CHD2: variants seen among roughly 807,000 people sequenced by gnomAD.
CHD2 encodes chromodomain helicase DNA binding protein 2.
In CHD2, 28 loss-of-function variants were observed where a neutral mutation model predicts 243.9. That is an observed-to-expected ratio of 0.11 (90% CI 0.09 to 0.16). The LOEUF (loss-of-function observed/expected upper bound fraction) is 0.16, where lower values mean the gene tolerates loss of function less well. Ranked by LOEUF, CHD2 falls within the 10% of genes least tolerant of loss-of-function variation. The pLI is 1.00. For synonymous variants in CHD2, 775 were observed against 779.0 expected (o/e 0.99, Z 0.09); for missense variants, 1,386 against 2,209.8 (o/e 0.63, Z 7.47).
chr15:92,938,350 C>G (rs1009488044), intron 6 of CHD2, among the ~76,000 whole-genome samples: 8 of 152,118 alleles, frequency 5.3e-5, no homozygotes, highest in Non-Finnish European at 1.5e-5. Context: ...AGTAAATGTA[C>G]CTGATTATTT....
intron 33 of CHD2, among the ~76,000 whole-genome samples, chr15:93,002,958 A>G (rs1051096407): frequency 6.6e-6 from 1 of 152,240 alleles, no homozygotes; most frequent in Non-Finnish European, 1.5e-5. Flanking sequence ...TATATTAAAT[A>G]TAAAATAAAC....
intron 5 of CHD2, among the ~76,000 whole-genome samples, chr15:92,935,536 A>G (rs528405588): frequency 9.9e-5 from 15 of 152,228 alleles, no homozygotes; most frequent in African/African-American, 2.9e-4. Context: ...ATTAGAATTT[A>G]TTGGTGAATC....
intron 17 of CHD2, among the ~76,000 whole-genome samples, chr15:92,971,465 A>G (rs1286920995): frequency 6.6e-6 from 1 of 152,170 alleles, no homozygotes; most frequent in East Asian, 1.9e-4. Flanking sequence ...GTGTGTGTAT[A>G]TATGTAAAGC....
At chr15:92,932,202 A>G (rs1162092954) in intron 5 of CHD2, among the ~76,000 whole-genome samples, 3 of 151,696 alleles carry the variant, frequency 2.0e-5, no homozygotes, top group African/African-American at 7.3e-5. Flanking sequence ...AGTTTTGTCA[A>G]TTAACCCAAT....
intron 8 of CHD2, 109 bp downstream of exon 8, chr15:92,942,064 G>T: frequency 9.5e-7 from 1 of 1,048,702 alleles, no homozygotes; most frequent in Non-Finnish European, 1.4e-6. Context: ...TGTATTTGTT[G>T]TGATATGTAG....
intron 4 of CHD2, 64 bp from the exon 5 acceptor site, chr15:92,928,966 A>T: frequency 6.9e-7 from 1 of 1,447,454 alleles, no homozygotes; most frequent in Non-Finnish European, 9.6e-7. Flanking sequence ...TCCAGGAGAT[A>T]GTGTTGTCCC....
chr15:93,001,695 T>G (rs1199973252), intron 32 of CHD2, among the ~76,000 whole-genome samples: 3 of 151,990 alleles, frequency 2.0e-5, no homozygotes, highest in African/African-American at 7.3e-5. Flanking sequence ...TTTTGTATTT[T>G]TAGAAGAGAC....
At chr15:92,926,756 C>T (rs1056897086) in intron 3 of CHD2, among the ~76,000 whole-genome samples, 1 of 152,134 alleles carries the variant, frequency 6.6e-6, no homozygotes, top group South Asian at 2.1e-4. Flanking sequence ...GCCTCATCTG[C>T]GTTTATCTGG....
intron 35 of CHD2, 23 bp from the exon 36 acceptor site, chr15:93,012,322 G>C: frequency 6.5e-7 from 1 of 1,534,160 alleles, no homozygotes; most frequent in Middle Eastern, 1.9e-4. Flanking sequence ...TAATTCACCA[G>C]AACTGTTCAT....
At chr15:92,912,433 T>A (rs2052754825) in intron 2 of CHD2, among the ~76,000 whole-genome samples, 1 of 152,246 alleles carries the variant, frequency 6.6e-6, no homozygotes, top group Non-Finnish European at 1.5e-5. Flanking sequence ...CTCGGCTTAC[T>A]GTAACCTCTG....
chr15:92,945,767 C>T (rs1252629868), intron 10 of CHD2, 54 bp from the exon 11 acceptor site: 1 of 1,184,630 alleles, frequency 8.4e-7, no homozygotes, highest in African/African-American at 1.6e-5. Flanking sequence ...AACCCAAAAT[C>T]TTTCATTCTT....
intron 17 of CHD2, among the ~76,000 whole-genome samples, chr15:92,968,431 A>G (rs1024802884): frequency 1.3e-5 from 2 of 152,204 alleles, no homozygotes; most frequent in African/African-American, 4.8e-5. Context: ...GTAAGTGTAA[A>G]GGCTTGATTA....
chr15:92,939,056 T>TA (rs1171845139), intron 6 of CHD2, among the ~76,000 whole-genome samples: 1 of 152,064 alleles, frequency 6.6e-6, no homozygotes, highest in Non-Finnish European at 1.5e-5. Flanking sequence ...TCTTTTTTTT[T>TA]TTCTATGAGT....
Position 92,927,228 on chromosome 15 carries a change from T to G in CHD2, c.295-16T>G. ...GTCAAGAAAAAAGATTAATGCGTGG[T>G]CTCTTAATTTTACAGATGTGGGAAG... On this transcript the variant is annotated splice_polypyrimidine_tract_variant and intron_variant, in intron 3 of 38. Transcript: ENST00000394196. The G allele has an allele frequency of 6.3e-7, 1 of 1,575,364 alleles. No individual in the cohort carries two copies. The highest frequency in any genetic ancestry group is 8.7e-7 in the Non-Finnish European group (1 of 1,146,186).
At chr15:92,966,677 G>A (rs1380897720) in intron 16 of CHD2, among the ~76,000 whole-genome samples, 1 of 152,016 alleles carries the variant, frequency 6.6e-6, no homozygotes, top group Non-Finnish European at 1.5e-5. Context: ...TTGGGAGGCC[G>A]AGGCAGGCGG....
chr15:92,913,835 T>C (rs1480456351), intron 2 of CHD2, among the ~76,000 whole-genome samples: 5 of 152,076 alleles, frequency 3.3e-5, no homozygotes, highest in Non-Finnish European at 7.4e-5. Context: ...CCTGGGCAAC[T>C]GAGCAAGACC....
intron 15 of CHD2, among the ~76,000 whole-genome samples, chr15:92,956,000 G>A (rs570670003): frequency 5.3e-5 from 8 of 152,112 alleles, no homozygotes; most frequent in Non-Finnish European, 1.2e-4. Context: ...TTTAAATACC[G>A]CCTTTCTGCT....
intron 2 of CHD2, among the ~76,000 whole-genome samples, chr15:92,923,322 G>A (rs945473685): frequency 6.6e-6 from 1 of 152,028 alleles, no homozygotes; most frequent in Non-Finnish European, 1.5e-5. Context: ...GTACAGTGGC[G>A]TAATCATGGC....
At chr15:93,019,338 G>T (rs959988305) in intron 37 of CHD2, among the ~76,000 whole-genome samples, 1 of 152,180 alleles carries the variant, frequency 6.6e-6, no homozygotes, top group African/African-American at 2.4e-5. Flanking sequence ...TGGTTTTGTT[G>T]TTAAGAGTCT....
Sources: allele counts gnomAD v4.1 joint callset (sites outside exome capture counted in the v4.1 genomes callset), GRCh38; gene constraint gnomAD v4.1.1; transcripts MANE v1.5; gene names NCBI Gene and HGNC (gene_info 2026-07-23, HGNC 2026-07-21).